RAB27A: variants seen among roughly 807,000 people sequenced by gnomAD.
RAB27A encodes the protein RAB27A, member RAS oncogene family, also known as ras-related protein Rab-27A.
In RAB27A, 17 loss-of-function variants were observed where a neutral mutation model predicts 20.8. The observed-to-expected ratio is 0.82, with a 90% confidence interval of 0.56 to 1.23. The LOEUF (loss-of-function observed/expected upper bound fraction) is 1.23. Ranked by LOEUF, RAB27A falls within the 50% of genes most tolerant of loss-of-function variation. RAB27A has a pLI of 0.00. For missense variants in RAB27A, 277 were observed against 266.7 expected, an observed-to-expected ratio of 1.04 and a Z score of -0.27; for synonymous variants, 85 against 92.8, an observed-to-expected ratio of 0.92 and a Z score of 0.48.
At chr15:55,257,456 A>T (rs948861436) in intron 2 of RAB27A, among the ~76,000 whole-genome samples, 3 of 152,168 alleles carry the variant, frequency 2.0e-5, no homozygotes, top group African/African-American at 7.2e-5. Flanking sequence ...TCTCAGCCAA[A>T]CTCAATTACA....
At chr15:55,315,629 C>T (rs1473720441) in intron 1 of RAB27A, among the ~76,000 whole-genome samples, 2 of 152,110 alleles carry the variant, frequency 1.3e-5, no homozygotes, top group Non-Finnish European at 2.9e-5. Context: ...AAGACATTTA[C>T]GCAGCCAACA....
chr15:55,308,048 C>A lies in RAB27A; in HGVS notation c.-112+5991G>T, dbSNP rs190931509. Among the ~76,000 whole-genome samples the A allele has an allele frequency of 8.3e-3, 1,264 of 152,232 alleles. 17 individuals are homozygous for A. The highest frequency in any genetic ancestry group is 0.029 in the African/African-American group (1,214 of 41,540). ...CCTCGTGAGGTTCCCCATTCTATTTCTTCTTCTGAGTACTGGGGCTTGGTT... is the reference window on the plus strand; with the variant it reads ...CCTCGTGAGGTTCCCCATTCTATTTATTCTTCTGAGTACTGGGGCTTGGTT... On this transcript the variant is annotated intron_variant, in intron 2 of 5. Coordinates refer to the RAB27A transcript ENST00000563262.
At chr15:55,303,650 G>A (rs2054984547) in intron 2 of RAB27A, among the ~76,000 whole-genome samples, 1 of 111,510 alleles carries the variant, frequency 9.0e-6, no homozygotes, top group South Asian at 3.5e-4. Context: ...CCCCGTCCGG[G>A]AGGGAGGTGG....
chr15:55,208,064 G>A (rs1250509556), intron 6 of RAB27A, among the ~76,000 whole-genome samples: 3 of 152,138 alleles, frequency 2.0e-5, no homozygotes, highest in Admixed American at 6.5e-5. Context: ...ACGTGGCATC[G>A]TCTAATGGAA....
At chr15:55,280,809 C>T (rs1226965764) in intron 1 of RAB27A, among the ~76,000 whole-genome samples, 1 of 152,086 alleles carries the variant, frequency 6.6e-6, no homozygotes, top group African/African-American at 2.4e-5. Flanking sequence ...TTTCCAGCTT[C>T]ATCCATGTCC....
At chr15:55,227,477 C>T (rs1895856703) in intron 5 of RAB27A, among the ~76,000 whole-genome samples, 1 of 151,976 alleles carries the variant, frequency 6.6e-6, no homozygotes, top group African/African-American at 2.4e-5. Context: ...AAGTGAAGCC[C>T]CAGTAAGCAT....
At position 55,235,530 on chromosome 15, in the gene RAB27A, G is replaced by A. The variant is rs74247116; in HGVS notation, c.-22-574C>T. 3.9e-5 allele frequency among the ~76,000 whole-genome samples: 6 copies of A among 151,954 alleles called. No homozygotes were observed. In the East Asian group the frequency reaches 7.7e-4, roughly 20 times the overall value. On this transcript the variant is annotated intron_variant, in intron 2 of 6. Transcript: ENST00000336787. ...CCATTAGGACAAAAATTTCAAGTGG[G>A]AATGATAATCAACAAGAAGGTAACA...
At chr15:55,282,931 C>T (rs1898054961) in intron 1 of RAB27A, among the ~76,000 whole-genome samples, 1 of 151,768 alleles carries the variant, frequency 6.6e-6, no homozygotes, top group Non-Finnish European at 1.5e-5. Flanking sequence ...AATAAATAAA[C>T]AAACAAACAG....
intron 1 of RAB27A, among the ~76,000 whole-genome samples, chr15:55,285,310 C>A (rs1308334987): frequency 2.3e-5 from 3 of 131,452 alleles, no homozygotes; most frequent in African/African-American, 5.6e-5. Flanking sequence ...AAACAAACAA[C>A]CAAAAAAAAA....
At chr15:55,267,600 T>G (rs769414142) in intron 2 of RAB27A, among the ~76,000 whole-genome samples, 8 of 152,162 alleles carry the variant, frequency 5.3e-5, no homozygotes, top group Non-Finnish European at 1.2e-4. Flanking sequence ...CAGCTTTTGC[T>G]TTTAATGGGC....
intron 2 of RAB27A, among the ~76,000 whole-genome samples, chr15:55,246,974 AGCAAAATG>A (rs11279019): frequency 0.045 from 6,866 of 152,286 alleles, 531 homozygotes; most frequent in African/African-American, 0.16. Flanking sequence ...CAAACTGAAC[AGCAAAATG>A]CCTGATGAAG....
In RAB27A at chr15:55,313,745, G is replaced by T. The variant is rs540524026; in HGVS notation, c.-112+294C>A. 2.2e-4 allele frequency among the ~76,000 whole-genome samples: 33 copies of T among 152,190 alleles called. No individual in the cohort carries two copies. The East Asian group carries it at 6.4e-3, about 29-fold the overall frequency. On this transcript the variant is annotated intron_variant, in intron 2 of 5. Coordinates refer to the RAB27A transcript ENST00000563262. ...AAAAATTACTTCGGGAAGCCGAGGCGGGCGGATCACGAGGTCAGGAGATCA... is the reference window on the plus strand; with the variant it reads ...AAAAATTACTTCGGGAAGCCGAGGCTGGCGGATCACGAGGTCAGGAGATCA...
chr15:55,208,723 C>T (rs1375818281), intron 6 of RAB27A, among the ~76,000 whole-genome samples: 1 of 152,186 alleles, frequency 6.6e-6, no homozygotes, highest in Non-Finnish European at 1.5e-5. Context: ...ATGCCTAAAC[C>T]AAACTCTGGC....
At chr15:55,233,791 G>A (rs1194776279) in intron 3 of RAB27A, among the ~76,000 whole-genome samples, 1 of 152,098 alleles carries the variant, frequency 6.6e-6, no homozygotes, top group Admixed American at 6.5e-5. Flanking sequence ...TAGATGGATG[G>A]ATTTCCTTTT....
At chr15:55,302,230 C>T (rs1248059286) in intron 2 of RAB27A, among the ~76,000 whole-genome samples, 2 of 151,606 alleles carry the variant, frequency 1.3e-5, no homozygotes, top group Non-Finnish European at 2.9e-5. Context: ...AACAACAACA[C>T]CCGCCGCCAC....
rs1379714609 is a variant in RAB27A at position 55,204,021 on chromosome 15, C to A, written c.*1486G>T. The A allele has an allele frequency of 6.6e-6, 1 of 152,054 alleles. No homozygotes were observed. The allele number at this position is 152,054 out of a possible 1,614,324, so 9.4% of individuals were successfully genotyped here. On this transcript the variant is annotated 3_prime_UTR_variant, in exon 7 of 7. Transcript: ENST00000336787. ...CGTAAAGTCTGGGCTTCTAGTGTAA[C>A]CATCACGCAAATATACTTGTATTTT... is the stretch of plus-strand genomic sequence containing the variant.
At chr15:55,294,185 G>A (rs535020832), upstream of RAB27A, among the ~76,000 whole-genome samples, 1 of 152,132 alleles carries the variant, frequency 6.6e-6, no homozygotes, top group Admixed American at 6.5e-5. Context: ...AGTGGAATAG[G>A]CTTGAGAGTC....
At chr15:55,281,786 A>G (rs958577140) in intron 1 of RAB27A, among the ~76,000 whole-genome samples, 1 of 152,032 alleles carries the variant, frequency 6.6e-6, no homozygotes, top group Admixed American at 6.6e-5. Flanking sequence ...GGAAAAAAAA[A>G]GAAACCAGAG....
At chr15:55,318,682 C>T (rs1417019790) in intron 1 of RAB27A, among the ~76,000 whole-genome samples, 1 of 142,212 alleles carries the variant, frequency 7.0e-6, no homozygotes, top group Admixed American at 7.1e-5. Flanking sequence ...GCCTGGACTA[C>T]AAGAGCGAAA....
Sources: allele counts gnomAD v4.1 joint callset (sites outside exome capture counted in the v4.1 genomes callset), GRCh38; gene constraint gnomAD v4.1.1; transcripts MANE v1.5; gene names NCBI Gene and HGNC (gene_info 2026-07-23, HGNC 2026-07-21).